The following ERGIC2 variants were observed in gnomAD, a reference collection of about 807,000 sequenced individuals.
ERGIC2 encodes ERGIC and golgi 2, also known as endoplasmic reticulum-Golgi intermediate compartment protein 2.
ERGIC2 carries 31 observed loss-of-function variants against 52.5 expected under a neutral mutation model. The ratio of observed to expected loss-of-function variants is 0.59; its 90% CI spans 0.44 to 0.80. ERGIC2 has a LOEUF of 0.80. Among genes scored for constraint, ERGIC2 ranks in the 30% least tolerant of loss-of-function variants. ERGIC2 has a pLI of 0.00. For missense variants in ERGIC2, 395 were observed against 455.2 expected, an observed-to-expected ratio of 0.87 and a Z score of 1.20; for synonymous variants, 129 against 140.6, an observed-to-expected ratio of 0.92 and a Z score of 0.58.
At chr12:29,349,220 T>C in intron 9 of ERGIC2, 43 bp from the exon 10 acceptor site, 1 of 929,366 alleles carries the variant, frequency 1.1e-6, no homozygotes, top group Non-Finnish European at 1.7e-6. Context: ...AGAAATTATA[T>C]TATTCAAAAT....
At chr12:29,351,168 G>A (rs1222862415) in intron 8 of ERGIC2, among the ~76,000 whole-genome samples, 1 of 152,076 alleles carries the variant, frequency 6.6e-6, no homozygotes, top group African/African-American at 2.4e-5. Flanking sequence ...CCATGGAAAT[G>A]TCAATATTTA....
At chr12:29,361,171 C>T (rs943231843) in intron 6 of ERGIC2, among the ~76,000 whole-genome samples, 1 of 151,950 alleles carries the variant, frequency 6.6e-6, no homozygotes, top group African/African-American at 2.4e-5. Flanking sequence ...AGAATCGCTT[C>T]AACCTGTGAG....
chr12:29,380,833 G>A (rs970417987), intron 1 of ERGIC2: 2 of 152,312 alleles, frequency 1.3e-5, no homozygotes, highest in African/African-American at 4.8e-5. Context: ...TCAGAATCAG[G>A]TGCGATCGAG....
At chr12:29,343,052 T>C in intron 12 of ERGIC2, 68 bp downstream of exon 12, 2 of 1,369,774 alleles carry the variant, frequency 1.5e-6, no homozygotes, top group African/African-American at 1.5e-5. Context: ...TCTTGCCCCT[T>C]TGAGAAGAAG....
At chr12:29,356,146 C>T (rs533819418) in intron 8 of ERGIC2, among the ~76,000 whole-genome samples, 1 of 152,036 alleles carries the variant, frequency 6.6e-6, no homozygotes, top group Non-Finnish European at 1.5e-5. Context: ...CTCAGCCCCT[C>T]GAGTATCTGG....
intron 5 of ERGIC2, among the ~76,000 whole-genome samples, chr12:29,362,378 C>T (rs1020539364): frequency 6.6e-6 from 1 of 152,084 alleles, no homozygotes; most frequent in Non-Finnish European, 1.5e-5. Context: ...GAGTTCAAGA[C>T]CAGCCTGGGC....
At chr12:29,363,372 T>A (rs1006532059) in intron 5 of ERGIC2, among the ~76,000 whole-genome samples, 16 of 151,862 alleles carry the variant, frequency 1.1e-4, no homozygotes, top group Non-Finnish European at 2.2e-4. Flanking sequence ...GAGTGAAAAA[T>A]TTTTAAGTTA....
At chr12:29,354,346 G>C (rs146575911) in intron 8 of ERGIC2, among the ~76,000 whole-genome samples, 3 of 152,140 alleles carry the variant, frequency 2.0e-5, no homozygotes, top group Non-Finnish European at 4.4e-5. Flanking sequence ...CAACGGAAAT[G>C]TCACTCATGA....
chr12:29,350,424 A>G (rs927629682), intron 8 of ERGIC2, among the ~76,000 whole-genome samples: 3 of 152,066 alleles, frequency 2.0e-5, no homozygotes, highest in African/African-American at 7.2e-5. Flanking sequence ...ACTGTTTTGC[A>G]GGGAGATTAC....
chr12:29,344,845 C>A (rs1021905280), intron 11 of ERGIC2, among the ~76,000 whole-genome samples: 1 of 152,052 alleles, frequency 6.6e-6, no homozygotes, highest in South Asian at 2.1e-4. Context: ...GAAAACATGA[C>A]CCCAAAGTAG....
intron 6 of ERGIC2, among the ~76,000 whole-genome samples, chr12:29,359,314 G>A (rs559565208): frequency 1.6e-4 from 25 of 151,892 alleles, no homozygotes; most frequent in Non-Finnish European, 3.1e-4. Flanking sequence ...CTTGTAATTC[G>A]AGAGATCAAC....
chr12:29,371,545 G>C lies in ERGIC2; in HGVS notation c.89C>G (p.Ser30Ter). 6.2e-7 allele frequency: 1 copy of C among 1,608,414 alleles called. No homozygotes were observed. Among genetic ancestry groups the C allele is most frequent in the Non-Finnish European group, 8.5e-7 (1 of 1,177,350 alleles). ...ATACTCACCTGTACCTCCACTGGCT[G>C]AAGTCTCTACATAGCTCTCAGGAAC... ...PKVPESYVET[S>*]ASGGTVSLIA... is the part of the protein sequence containing the mutation. The change falls in exon 2 of 14, where the codon TCA becomes TGA. Residue 30 changes from serine (S) to a stop codon, truncating the protein, a stop_gained. Transcript: ENST00000360150. LOFTEE classifies it high-confidence loss of function.
rs1280171706 is a variant in ERGIC2, at chr12:29,339,652, T to C, written c.*1504A>G. On this transcript the variant is annotated 3_prime_UTR_variant, in exon 14 of 14. Coordinates refer to ENST00000360150, the MANE Select transcript of ERGIC2 (RefSeq NM_016570.3). ...TATATTTTTTAAAGTGATGCTTCTG[T>C]TATTTTCTGCAAAACGTCATTCTGC... The C allele has an allele frequency of 6.6e-6, 1 of 152,200 alleles. No individual in the cohort carries two copies. Among genetic ancestry groups the C allele is most frequent in the Non-Finnish European group, 1.5e-5 (1 of 68,008 alleles). 9.4% of individuals were successfully genotyped at this position (152,200 alleles called of 1,614,324 possible). A position where few individuals can be genotyped will look rare whatever the true frequency, so the allele number is the denominator to read the frequency against.
intron 7 of ERGIC2, among the ~76,000 whole-genome samples, chr12:29,357,159 G>A (rs186719597): frequency 5.9e-4 from 89 of 152,058 alleles, no homozygotes; most frequent in African/African-American, 2.1e-3. Flanking sequence ...TCGTAGGGAC[G>A]GAGTTTCACC....
chr12:29,367,119 A>G (rs1183294416), intron 4 of ERGIC2, among the ~76,000 whole-genome samples, 172 bp from the exon 5 acceptor site: 1 of 151,568 alleles, frequency 6.6e-6, no homozygotes, highest in Non-Finnish European at 1.5e-5. Flanking sequence ...CTAAAACAGT[A>G]GCCTTATATA....
At chr12:29,346,364 A>C (rs1188585574) in intron 10 of ERGIC2, among the ~76,000 whole-genome samples, 1 of 151,130 alleles carries the variant, frequency 6.6e-6, no homozygotes, top group African/African-American at 2.4e-5. Flanking sequence ...AATTTTTTTC[A>C]TTTTTAGTAG....
chr12:29,354,254 T>C (rs1940172863), intron 8 of ERGIC2, among the ~76,000 whole-genome samples: 1 of 152,238 alleles, frequency 6.6e-6, no homozygotes, highest in Non-Finnish European at 1.5e-5. Context: ...TACACTAAAT[T>C]TCCCAGAAAA....
chr12:29,367,004 C>T (rs2136874159), intron 4 of ERGIC2, 57 bp from the exon 5 acceptor site: 1 of 1,027,964 alleles, frequency 9.7e-7, no homozygotes, highest in East Asian at 2.7e-5. Context: ...CAAACCATCC[C>T]CAATATAAAC....
At chr12:29,372,018 A>G (rs1216448170) in intron 1 of ERGIC2, among the ~76,000 whole-genome samples, 1 of 152,208 alleles carries the variant, frequency 6.6e-6, no homozygotes, top group Non-Finnish European at 1.5e-5. Context: ...AATGACAGTG[A>G]AGTAAAATGG....
Sources: allele counts gnomAD v4.1 joint callset (sites outside exome capture counted in the v4.1 genomes callset), GRCh38; gene constraint gnomAD v4.1.1; transcripts MANE v1.5; gene names NCBI Gene and HGNC (gene_info 2026-07-23, HGNC 2026-07-21).